Variants in LIN7A observed in about 807,000 individuals in gnomAD.
LIN7A encodes lin-7 cell polarity scaffold A, also known as protein lin-7 homolog A.
A neutral mutation model predicts 29.8 loss-of-function variants in LIN7A; 25 were observed. The ratio of observed to expected loss-of-function variants is 0.84; its 90% confidence interval spans 0.61 to 1.17. The LOEUF is 1.17. LIN7A is among the 50% of genes most tolerant of loss of function. The pLI, the probability that LIN7A is intolerant of heterozygous loss-of-function variation, is 0.00. For missense variants in LIN7A, 239 were observed against 287.0 expected (o/e 0.83, Z 1.21); for synonymous variants, 118 against 107.5 (o/e 1.10, Z -0.60).
Position 80,928,560 on chromosome 12 carries a change from T to C in LIN7A, c.82+9081A>G, listed in dbSNP as rs576768228. 4.6e-5 allele frequency among the ~76,000 whole-genome samples: 7 copies of C among 152,336 alleles called. No homozygotes were observed. In the South Asian group the frequency reaches 1.2e-3, roughly 27 times the overall value. On this transcript the variant is annotated intron_variant, in intron 1 of 5. Coordinates refer to ENST00000552864, the MANE Select transcript of LIN7A (RefSeq NM_004664.4). ...GATGGGGTTGTTTGTTTTTTTCTTG[T>C]AAATTTGTTTCTTTGTAGATTCTGG...
In LIN7A at chr12:80,848,328, A is replaced by C. The variant is rs373149432; in HGVS notation, c.202-6T>G. 6.3e-7 allele frequency: 1 copy of C among 1,587,594 alleles called. No homozygotes were observed. On this transcript the variant is annotated splice_region_variant and splice_polypyrimidine_tract_variant and intron_variant, in intron 2 of 5. Transcript: ENST00000552864. ...TCATGCATATATTGATACACCTAAAATGTTCACATAAAAAGAAGAATGTGT... is the reference window on the plus strand; with the variant it reads ...TCATGCATATATTGATACACCTAAACTGTTCACATAAAAAGAAGAATGTGT...
chr12:80,873,796 G>A (rs899659804), intron 2 of LIN7A, among the ~76,000 whole-genome samples: 12 of 151,124 alleles, frequency 7.9e-5, no homozygotes, highest in African/African-American at 2.9e-4. Context: ...TAAGGTAAAT[G>A]GTATCTTATA....
At chr12:80,873,161 T>C (rs964162979) in intron 2 of LIN7A, among the ~76,000 whole-genome samples, 8 of 152,022 alleles carry the variant, frequency 5.3e-5, no homozygotes, top group African/African-American at 1.9e-4. Context: ...GTTAGGGAAA[T>C]CAGTGAAAGA....
chr12:80,906,808 C>G (rs1876499768), intron 1 of LIN7A, among the ~76,000 whole-genome samples: 1 of 152,004 alleles, frequency 6.6e-6, no homozygotes, highest in African/African-American at 2.4e-5. Flanking sequence ...ATATGCATCC[C>G]TTGAACCTAA....
chr12:80,816,582 T>C (rs893507501), intron 4 of LIN7A, among the ~76,000 whole-genome samples: 2 of 152,120 alleles, frequency 1.3e-5, no homozygotes, highest in African/African-American at 4.8e-5. Flanking sequence ...GGATCTCCTA[T>C]AACATTGATG....
chr12:80,798,935 G>A (rs1487263570), intron 5 of LIN7A, among the ~76,000 whole-genome samples: 2 of 152,242 alleles, frequency 1.3e-5, no homozygotes, highest in South Asian at 2.1e-4. Context: ...GTTTCCTCAT[G>A]TGAGCCAGTC....
chr12:80,910,617 C>A (rs781199160), intron 1 of LIN7A, among the ~76,000 whole-genome samples: 7 of 152,046 alleles, frequency 4.6e-5, no homozygotes, highest in Non-Finnish European at 1.0e-4. Context: ...AATGCTTTTT[C>A]TACACCTATT....
At chr12:80,895,960 A>G (rs532789164) in intron 1 of LIN7A, among the ~76,000 whole-genome samples, 2 of 152,200 alleles carry the variant, frequency 1.3e-5, no homozygotes, top group African/African-American at 2.4e-5. Flanking sequence ...ATGCTTCACT[A>G]TTTGGTTATC....
Position 80,914,862 on chromosome 12 carries a change from G to A in LIN7A, c.82+22779C>T, listed in dbSNP as rs780766833. Among the ~76,000 whole-genome samples, 29 of 152,092 alleles carry A rather than the reference G, an allele frequency of 1.9e-4. 1 individual carries two copies. Among genetic ancestry groups the A allele is most frequent in the African/African-American group, 2.4e-5 (1 of 41,416 alleles). ...TTAAGACCAGCCTAGGCAACATAGT[G>A]AGAATCTGACTCTACAAAAAATAAA... On this transcript the variant is annotated intron_variant, in intron 1 of 5. Transcript: ENST00000552864.
At chr12:80,822,725 G>A (rs1206084633) in intron 4 of LIN7A, among the ~76,000 whole-genome samples, 4 of 152,160 alleles carry the variant, frequency 2.6e-5, no homozygotes, top group Non-Finnish European at 4.4e-5. Context: ...AGCCGAGGGG[G>A]CCTAAGGGTG....
At chr12:80,924,488 T>C (rs1422044495) in intron 1 of LIN7A, among the ~76,000 whole-genome samples, 1 of 152,232 alleles carries the variant, frequency 6.6e-6, no homozygotes, top group Non-Finnish European at 1.5e-5. Context: ...TCTCATTAGA[T>C]ATTTACAGCA....
intron 1 of LIN7A, among the ~76,000 whole-genome samples, chr12:80,900,387 G>C (rs904937942): frequency 2.6e-5 from 4 of 152,094 alleles, no homozygotes; most frequent in African/African-American, 9.7e-5. Flanking sequence ...CTAACATTTT[G>C]ATGTGGGCAT....
At chr12:80,817,840 G>A (rs544012680) in intron 4 of LIN7A, among the ~76,000 whole-genome samples, 5 of 152,114 alleles carry the variant, frequency 3.3e-5, no homozygotes, top group Admixed American at 6.5e-5. Flanking sequence ...TTCAACAACC[G>A]TATGCTAATT....
chr12:80,806,212 T>C lies in LIN7A; in HGVS notation c.*5253A>G, dbSNP rs1391106462. Among the ~76,000 whole-genome samples the C allele has an allele frequency of 2.6e-5, 4 of 152,066 alleles. No homozygotes were observed. In the East Asian group the frequency reaches 7.7e-4, roughly 29 times the overall value. ...TACATTTTTATCGGCAGCGTGAAAA[T>C]GAACTAATACAACTCTTTCTCAAAA... On this transcript the variant is annotated intron_variant, in intron 5 of 5. Coordinates refer to ENST00000552864, the MANE Select transcript of LIN7A (RefSeq NM_004664.4).
At chr12:80,881,236 A>C (rs1315727402) in intron 2 of LIN7A, among the ~76,000 whole-genome samples, 1 of 152,200 alleles carries the variant, frequency 6.6e-6, no homozygotes. Flanking sequence ...TATCATTGGC[A>C]GGAAACTTAT....
chr12:80,807,723 A>T (rs1221576961), intron 5 of LIN7A, among the ~76,000 whole-genome samples: 1 of 152,212 alleles, frequency 6.6e-6, no homozygotes, highest in South Asian at 2.1e-4. Flanking sequence ...GTACAAATGT[A>T]AAGTGGCTTT....
intron 1 of LIN7A, among the ~76,000 whole-genome samples, chr12:80,903,398 ACT>A (rs1386090646): frequency 6.6e-6 from 1 of 151,860 alleles, no homozygotes; most frequent in African/African-American, 2.4e-5. Flanking sequence ...ATTATTCCAC[ACT>A]CTATGTCCAT....
At chr12:80,853,933 A>G (rs116136014) in intron 2 of LIN7A, among the ~76,000 whole-genome samples, 1,845 of 152,172 alleles carry the variant, frequency 0.012, 44 homozygotes, top group African/African-American at 0.042. Flanking sequence ...ACCTCAAGTG[A>G]TCCGACGGCC....
chr12:80,841,393 AAGGAAGGAAGGAAGG>A (rs879762553), intron 4 of LIN7A, among the ~76,000 whole-genome samples: 2 of 148,632 alleles, frequency 1.3e-5, no homozygotes, highest in African/African-American at 2.6e-5. Flanking sequence ...GGAAGGAAGG[AAGGAAGGAAGGAAGG>A]AGGGAAAGAA....
Sources: allele counts gnomAD v4.1 joint callset (sites outside exome capture counted in the v4.1 genomes callset), GRCh38; gene constraint gnomAD v4.1.1; transcripts MANE v1.5; gene names NCBI Gene and HGNC (gene_info 2026-07-23, HGNC 2026-07-21).